Variants in OLAH observed in about 807,000 individuals in gnomAD.
OLAH encodes S-acyl fatty acid synthase thioesterase, medium chain.
A neutral mutation model predicts 27.8 loss-of-function variants in OLAH; 33 were observed. The ratio of observed to expected loss-of-function variants is 1.19; its 90% CI spans 0.90 to 1.59. OLAH has a LOEUF of 1.59. Ranked by LOEUF, OLAH falls within the 40% of genes most tolerant of loss-of-function variation. OLAH has a pLI of 0.00. For synonymous variants in OLAH, 120 were observed against 102.9 expected, an observed-to-expected ratio of 1.17 and a Z score of -1.01; for missense variants, 359 against 310.8, an observed-to-expected ratio of 1.16 and a Z score of -1.17.
intron 6 of OLAH, 146 bp from the exon 7 acceptor site, chr10:15,071,649 T>G: frequency 1.4e-6 from 2 of 1,411,942 alleles, no homozygotes; most frequent in Non-Finnish European, 9.3e-7. Context: ...CAGGTAGAAG[T>G]GCCATTGGTG....
intron 3 of OLAH, among the ~76,000 whole-genome samples, chr10:15,055,464 T>A (rs1249785137): frequency 6.6e-6 from 1 of 152,190 alleles, no homozygotes; most frequent in African/African-American, 2.4e-5. Flanking sequence ...ACCTGTGTAT[T>A]CCTCAAACTT....
intron 3 of OLAH, among the ~76,000 whole-genome samples, chr10:15,054,231 G>C (rs1300142262): frequency 1.3e-5 from 2 of 152,048 alleles, no homozygotes; most frequent in African/African-American, 4.8e-5. Flanking sequence ...AGTAGAGACA[G>C]GATTTCACCA....
At chr10:15,042,930 C>G (rs937482911), upstream of OLAH, among the ~76,000 whole-genome samples, 9 of 139,502 alleles carry the variant, frequency 6.5e-5, no homozygotes, top group Non-Finnish European at 1.2e-4. Flanking sequence ...GCGTGATCTC[C>G]GCTCACTGCA....
At chr10:15,066,405 G>GT (rs1844467801) in intron 6 of OLAH, among the ~76,000 whole-genome samples, 1 of 151,938 alleles carries the variant, frequency 6.6e-6, no homozygotes, top group Non-Finnish European at 1.5e-5. Flanking sequence ...GTTACTTATT[G>GT]TAAGTGTGGA....
intron 4 of OLAH, among the ~76,000 whole-genome samples, chr10:15,063,662 T>C (rs1844411019): frequency 6.6e-6 from 1 of 152,254 alleles, no homozygotes. Flanking sequence ...AGCTTTTGTT[T>C]ATATGTGATA....
intron 1 of OLAH, among the ~76,000 whole-genome samples, chr10:15,034,144 C>T (rs1293414359): frequency 2.1e-5 from 3 of 144,764 alleles, no homozygotes; most frequent in African/African-American, 7.8e-5. Flanking sequence ...GACGGAGTCT[C>T]GCTCTGTCAC....
At chr10:15,042,891 C>G (rs71485543), upstream of OLAH, among the ~76,000 whole-genome samples, 2 of 113,864 alleles carry the variant, frequency 1.8e-5, no homozygotes, top group East Asian at 3.1e-4. Context: ...GGAGGAGTCT[C>G]GCTCTGTCGC....
chr10:15,032,620 C>CA (rs71390005), intron 1 of OLAH, among the ~76,000 whole-genome samples: 10,353 of 95,360 alleles, frequency 0.11, 530 homozygotes, highest in Non-Finnish European at 0.14. Flanking sequence ...GACTCAGTTT[C>CA]AAAAAAAAAA....
At chr10:15,046,130 G>C (rs1389118275) in intron 1 of OLAH, among the ~76,000 whole-genome samples, 1 of 152,002 alleles carries the variant, frequency 6.6e-6, no homozygotes. Flanking sequence ...TGGATCACTT[G>C]AGGTCAGGAG....
At chr10:15,055,518 T>A (rs1844228958) in intron 3 of OLAH, among the ~76,000 whole-genome samples, 1 of 152,216 alleles carries the variant, frequency 6.6e-6, no homozygotes, top group African/African-American at 2.4e-5. Context: ...AACACTCTGA[T>A]ATCAAGTCTC....
Position 15,061,920 on chromosome 10 carries a change from G to T in OLAH, c.302+58G>T, listed in dbSNP as rs746302577. ...GAGTTTCTTCTATCTGAAGTTTGAG[G>T]TTAATGTTATTCTTTGTGTTTTGTA... On this transcript the variant is annotated intron_variant, in intron 4 of 7. Transcript: ENST00000378228. 9 of 1,536,060 alleles carry T rather than the reference G, an allele frequency of 5.9e-6. No individual in the cohort carries two copies. The Admixed American group carries it at 1.5e-4, about 25-fold the overall frequency.
intron 1 of OLAH, among the ~76,000 whole-genome samples, chr10:15,044,223 T>G (rs1843972546): frequency 6.6e-6 from 1 of 152,106 alleles, no homozygotes; most frequent in African/African-American, 2.4e-5. Flanking sequence ...TTCCCTTGCC[T>G]TTTCTCAGTT....
rs1473049260 is a variant in OLAH at position 15,049,758 on chromosome 10, G to T, written c.156G>T (p.Leu52Phe). 2.5e-6 allele frequency: 4 copies of T among 1,603,100 alleles called. No individual in the cohort carries two copies. The highest frequency in any genetic ancestry group is 3.4e-6 in the Non-Finnish European group (4 of 1,177,382). The change falls in exon 3 of 8, where the codon TTG (leucine) becomes TTT (phenylalanine). Residue 52 changes from leucine (L) to phenylalanine (F), a missense_variant. Transcript: ENST00000378228. ...AATGGGGCCAAGATACTCATGATTT[G>T]CTGGAAGGTATGTTAATTTTTAACA... ...FAKWGQDTHD[L>F]LEVHSLRLPG...
intron 6 of OLAH, among the ~76,000 whole-genome samples, chr10:15,066,020 C>T (rs919280949): frequency 2.6e-5 from 4 of 152,144 alleles, no homozygotes; most frequent in Non-Finnish European, 5.9e-5. Context: ...GCCAGTGGAT[C>T]ATTTAAGGCC....
At chr10:15,052,085 C>A (rs1564529060) in intron 3 of OLAH, among the ~76,000 whole-genome samples, 1 of 152,102 alleles carries the variant, frequency 6.6e-6, no homozygotes, top group Non-Finnish European at 1.5e-5. Context: ...GAGTTCAAGA[C>A]TAGCTTGACC....
At chr10:15,068,587 G>T (rs1359512752) in intron 6 of OLAH, among the ~76,000 whole-genome samples, 1 of 152,038 alleles carries the variant, frequency 6.6e-6, no homozygotes, top group Non-Finnish European at 1.5e-5. Context: ...TAGAGACGGG[G>T]TTTCATCATG....
intron 6 of OLAH, among the ~76,000 whole-genome samples, chr10:15,066,256 A>G (rs1032336428): frequency 7.2e-5 from 11 of 151,922 alleles, no homozygotes; most frequent in Admixed American, 2.6e-4. Context: ...AAAAAAAAAA[A>G]AGTCTAGCAT....
intron 4 of OLAH, among the ~76,000 whole-genome samples, chr10:15,063,054 T>C (rs1354349677): frequency 6.6e-6 from 1 of 152,182 alleles, no homozygotes; most frequent in Non-Finnish European, 1.5e-5. Context: ...AACATTCTTA[T>C]AGAAAATTTA....
chr10:15,061,794 A>G lies in OLAH; in HGVS notation c.234A>G (p.Leu78=). The change falls in exon 4 of 8, where the codon TTA becomes TTG. Residue 78 remains leucine (L), a synonymous_variant. Transcript: ENST00000378228. ...EEPLENDISQ[L]VDEVVCALQP... ...CTCTTGAAAATGACATCTCCCAGTT[A>G]GTTGATGAAGTTGTTTGTGCTCTGC... 6.2e-7 allele frequency: 1 copy of G among 1,613,924 alleles called. No homozygotes were observed. Among genetic ancestry groups the G allele is most frequent in the East Asian group, 2.2e-5 (1 of 44,870 alleles).
Sources: allele counts gnomAD v4.1 joint callset (sites outside exome capture counted in the v4.1 genomes callset), GRCh38; gene constraint gnomAD v4.1.1; transcripts MANE v1.5; gene names NCBI Gene and HGNC (gene_info 2026-07-23, HGNC 2026-07-21).